MET: variants seen among roughly 807,000 people sequenced by gnomAD.
MET encodes hepatocyte growth factor receptor.
A neutral mutation model predicts 133.1 loss-of-function variants in MET; 48 were observed. The ratio of observed to expected loss-of-function variants is 0.36; its 90% confidence interval spans 0.29 to 0.46. The LOEUF (loss-of-function observed/expected upper bound fraction) is 0.46. MET is among the 20% of genes least tolerant of loss of function. The pLI is 1.00. For synonymous variants in MET, 628 were observed against 616.5 expected, an observed-to-expected ratio of 1.02 and a Z score of -0.28; for missense variants, 1,442 against 1,695.9, an observed-to-expected ratio of 0.85 and a Z score of 2.63.
intron 14 of MET, among the ~76,000 whole-genome samples, chr7:116,772,400 C>A (rs967482888): frequency 6.6e-6 from 1 of 152,114 alleles, no homozygotes; most frequent in Non-Finnish European, 1.5e-5. Flanking sequence ...GTTAGTAATT[C>A]TTCGAAGTGT....
chr7:116,684,160 T>G (rs1274123833), intron 1 of MET, among the ~76,000 whole-genome samples: 1 of 152,244 alleles, frequency 6.6e-6, no homozygotes, highest in Non-Finnish European at 1.5e-5. Flanking sequence ...GATACCCAGA[T>G]AGACAATTTT....
chr7:116,796,144 C>G lies in MET; in HGVS notation c.*20C>G, dbSNP rs757592643. On this transcript the variant is annotated 3_prime_UTR_variant, in exon 21 of 21. Transcript: ENST00000397752. ...TCATAGTGCTAGTACTATGTCAAAGCAACAGTCCACACTTTGTCCAATGGT... is the reference window on the plus strand; with the variant it reads ...TCATAGTGCTAGTACTATGTCAAAGGAACAGTCCACACTTTGTCCAATGGT... 9.4e-6 allele frequency: 15 copies of G among 1,602,738 alleles called. No homozygotes were observed. Among genetic ancestry groups the G allele is most frequent in the Non-Finnish European group, 1.2e-5 (14 of 1,170,416 alleles).
chr7:116,707,707 T>A (rs1791852836), intron 2 of MET, among the ~76,000 whole-genome samples: 1 of 152,150 alleles, frequency 6.6e-6, no homozygotes. Flanking sequence ...ATTAAATTGG[T>A]CTGTTAGCTC....
chr7:116,699,823 A>G lies in MET; in HGVS notation c.739A>G (p.Ile247Val), dbSNP rs749728359. Reference sequence around the variant, plus strand: ...ACCTGAGTTCAGAGATTCTTACCCCATTAAGTATGTCCATGCCTTTGAAAG... The same window carrying G: ...ACCTGAGTTCAGAGATTCTTACCCCGTTAAGTATGTCCATGCCTTTGAAAG... ...VLPEFRDSYP[I>V]KYVHAFESNN... The change falls in exon 2 of 21, where the codon ATT (isoleucine) becomes GTT (valine). Residue 247 changes from isoleucine (I) to valine (V), a missense_variant. Transcript: ENST00000397752. The G allele has an allele frequency of 2.5e-5, 40 of 1,613,982 alleles. No homozygotes were observed. The highest frequency in any genetic ancestry group is 4.2e-6 in the Non-Finnish European group (5 of 1,179,974).
intron 5 of MET, among the ~76,000 whole-genome samples, chr7:116,746,554 G>T (rs1793695779): frequency 6.6e-6 from 1 of 152,166 alleles, no homozygotes; most frequent in Non-Finnish European, 1.5e-5. Context: ...TGATAGACTG[G>T]ATTAAGAAAA....
Position 116,675,129 on chromosome 7 carries a change from C to T in MET, c.-15+2552C>T, listed in dbSNP as rs138854086. Among the ~76,000 whole-genome samples the T allele has an allele frequency of 7.9e-5, 12 of 152,354 alleles. No homozygotes were observed. The East Asian group carries it at 2.3e-3, about 29-fold the overall frequency. ...CAGTAATAAATGATAGATACACTGA[C>T]TAATGTTAGTTCAGAATCACTTTGA... On this transcript the variant is annotated intron_variant, in intron 1 of 20. Coordinates refer to ENST00000397752, the MANE Select transcript of MET (RefSeq NM_000245.4).
In MET at chr7:116,771,483, A is replaced by T; in HGVS notation, c.2731-15A>T. On this transcript the variant is annotated splice_polypyrimidine_tract_variant and intron_variant, in intron 12 of 20. Transcript: ENST00000397752. ...CATGGCTAAATGCTGACTTTTCTTT[A>T]TTTGTCATTTTTAGTGGAAGCAAGC... 3 of 1,613,472 alleles carry T rather than the reference A, an allele frequency of 1.9e-6. No individual in the cohort carries two copies. The highest frequency in any genetic ancestry group is 1.1e-5 in the South Asian group (1 of 91,062).
intron 10 of MET, among the ~76,000 whole-genome samples, chr7:116,762,074 A>C (rs1019718599): frequency 5.9e-5 from 9 of 152,222 alleles, no homozygotes; most frequent in Admixed American, 1.3e-4. Context: ...GTCTAAGTAC[A>C]ATCAAGAGGA....
chr7:116,677,036 TC>T (rs1189450252), intron 1 of MET, among the ~76,000 whole-genome samples: 67 of 151,964 alleles, frequency 4.4e-4, no homozygotes, highest in African/African-American at 1.6e-3. Context: ...TTGTTTTGCA[TC>T]CGCCTGGTCC....
intron 1 of MET, among the ~76,000 whole-genome samples, chr7:116,690,085 A>C (rs752779566): frequency 2.6e-5 from 4 of 152,266 alleles, no homozygotes; most frequent in Non-Finnish European, 4.4e-5. Flanking sequence ...TGAAACAGTC[A>C]CCAGGTATTT....
In MET at chr7:116,777,410, A is replaced by C. The variant is rs121913243; in HGVS notation, c.3281A>C (p.His1094Pro). 1 of 1,613,868 alleles carries C rather than the reference A, an allele frequency of 6.2e-7. No homozygotes were observed. Among genetic ancestry groups the C allele is most frequent in the Non-Finnish European group, 8.5e-7 (1 of 1,179,846 alleles). ...ACAGGGCATTTTGGTTGTGTATATCATGGGACTTTGTTGGACAATGATGGC... is the reference window on the plus strand; with the variant it reads ...ACAGGGCATTTTGGTTGTGTATATCCTGGGACTTTGTTGGACAATGATGGC... ...IGRGHFGCVY[H>P]GTLLDNDGKK... The change falls in exon 16 of 21, where the codon CAT (histidine) becomes CCT (proline). Residue 1094 changes from histidine (H) to proline (P), a missense_variant. His to Pro is a moderately conservative substitution (Grantham distance 77, BLOSUM62 -2). This residue lies in a region of MET where 514 missense variants were observed against 659.6 expected (regional missense o/e 0.78). Coordinates refer to ENST00000397752, the MANE Select transcript of MET (RefSeq NM_000245.4).
intron 3 of MET, among the ~76,000 whole-genome samples, chr7:116,739,683 G>C (rs1449149070): frequency 6.6e-6 from 1 of 152,166 alleles, no homozygotes; most frequent in African/African-American, 2.4e-5. Flanking sequence ...TTGTCTGTAT[G>C]TGCTGCCAAT....
intron 19 of MET, among the ~76,000 whole-genome samples, chr7:116,789,620 GT>G (rs1051947815): frequency 1.3e-4 from 20 of 152,176 alleles, no homozygotes; most frequent in African/African-American, 4.3e-4. Context: ...TGTCTCTAGA[GT>G]TTTACTTTTT....
chr7:116,716,630 G>A (rs1164314982), intron 2 of MET, among the ~76,000 whole-genome samples: 1 of 152,224 alleles, frequency 6.6e-6, no homozygotes, highest in Non-Finnish European at 1.5e-5. Context: ...ATAGGAAGCT[G>A]GAAGAGGAAA....
intron 19 of MET, among the ~76,000 whole-genome samples, chr7:116,784,372 C>T (rs919828985): frequency 1.3e-5 from 2 of 152,188 alleles, no homozygotes; most frequent in Admixed American, 6.5e-5. Flanking sequence ...AGTCCGTTCT[C>T]ACACTGCTAT....
chr7:116,768,992 A>G (rs996089755), intron 11 of MET, among the ~76,000 whole-genome samples: 1 of 152,244 alleles, frequency 6.6e-6, no homozygotes. Flanking sequence ...GTGCTCTCAA[A>G]TTATAATAGT....
At chr7:116,751,432 G>A (rs1292324988) in intron 5 of MET, among the ~76,000 whole-genome samples, 1 of 152,090 alleles carries the variant, frequency 6.6e-6, no homozygotes, top group Non-Finnish European at 1.5e-5. Context: ...GGTGGCGGGG[G>A]TCTAGGGGAG....
At chr7:116,793,534 T>C (rs1795578791) in intron 19 of MET, among the ~76,000 whole-genome samples, 1 of 152,122 alleles carries the variant, frequency 6.6e-6, no homozygotes, top group South Asian at 2.1e-4. Context: ...TTCAATCTTA[T>C]GGGTCCCTAA....
chr7:116,680,252 C>A (rs750665552), intron 1 of MET, among the ~76,000 whole-genome samples: 1 of 152,062 alleles, frequency 6.6e-6, no homozygotes, highest in Non-Finnish European at 1.5e-5. Context: ...TTTAGACATG[C>A]CTAATTTTTA....
Sources: allele counts gnomAD v4.1 joint callset (sites outside exome capture counted in the v4.1 genomes callset), GRCh38; gene constraint gnomAD v4.1.1; regional missense constraint gnomAD v4.1.1; transcripts MANE v1.5; gene names NCBI Gene and HGNC (gene_info 2026-07-23, HGNC 2026-07-21).